SLC10A2: variants seen among roughly 807,000 people sequenced by gnomAD.
SLC10A2 encodes the protein solute carrier family 10 member 2.
Under a neutral mutation model 27.1 loss-of-function variants are expected in SLC10A2, and 34 were observed. The ratio of observed to expected loss-of-function variants is 1.26; its 90% CI spans 0.96 to 1.67. SLC10A2 has a LOEUF of 1.67. SLC10A2 is among the 40% of genes most tolerant of loss of function. SLC10A2 has a pLI of 0.00. For missense variants in SLC10A2, 530 were observed against 444.4 expected (o/e 1.19, Z -1.73); for synonymous variants, 205 against 174.0 (o/e 1.18, Z -1.40).
In SLC10A2 at chr13:103,051,452, G is replaced by T; in HGVS notation, c.586-20C>A. The T allele has an allele frequency of 6.2e-7, 1 of 1,613,208 alleles. No homozygotes were observed. The highest frequency in any genetic ancestry group is 8.5e-7 in the Non-Finnish European group (1 of 1,179,504). On this transcript the variant is annotated intron_variant, in intron 3 of 5. Transcript: ENST00000245312. ...CCCAATCTGAAAAAAAAAGGAATAA[G>T]TGAACCCAGCAATCATGAGTCAAAG...
At chr13:103,050,863 C>T (rs1034396746) in intron 4 of SLC10A2, among the ~76,000 whole-genome samples, 17 of 152,064 alleles carry the variant, frequency 1.1e-4, no homozygotes, top group South Asian at 4.1e-4. Context: ...CCTAACACTC[C>T]GCACCTCAGG....
At chr13:103,047,306 G>C (rs72657857) in intron 5 of SLC10A2, among the ~76,000 whole-genome samples, 4,385 of 152,088 alleles carry the variant, frequency 0.029, 95 homozygotes, top group Non-Finnish European at 0.044. Flanking sequence ...CTTTAGATTG[G>C]TCCCTGAACT....
In SLC10A2 at chr13:103,066,198, A is replaced by T. The variant is rs774380566; in HGVS notation, c.52T>A (p.Ser18Thr). Residue 18 changes from serine (S) to threonine (T), a missense_variant, in exon 1 of 6, where the codon TCC becomes ACC. By Grantham distance (58) the Ser-to-Thr change is moderately conservative. Coordinates refer to ENST00000245312, the MANE Select transcript of SLC10A2 (RefSeq NM_000452.3). ...AAATTGCTCTCAGGTACCACACAGGATGCACCAGAGCAAACTGTTGCATTG... is the reference window on the plus strand; with the variant it reads ...AAATTGCTCTCAGGTACCACACAGGTTGCACCAGAGCAAACTGTTGCATTG... ...VDNATVCSGA[S>T]CVVPESNFNN... is the part of the protein sequence containing the mutation. 1.2e-6 allele frequency: 2 copies of T among 1,614,126 alleles called. No homozygotes were observed. The highest frequency in any genetic ancestry group is 3.3e-5 in the Admixed American group (2 of 60,028).
At chr13:103,051,864 T>G (rs1875793029) in intron 3 of SLC10A2, among the ~76,000 whole-genome samples, 1 of 152,242 alleles carries the variant, frequency 6.6e-6, no homozygotes, top group African/African-American at 2.4e-5. Context: ...CCTTTATGAT[T>G]GTTACGATAA....
chr13:103,046,723 G>A (rs542652625), intron 5 of SLC10A2, among the ~76,000 whole-genome samples: 6 of 152,132 alleles, frequency 3.9e-5, no homozygotes, highest in East Asian at 1.9e-4. Context: ...TCTTTCCCCC[G>A]GAGAGAAGAG....
At position 103,044,670 on chromosome 13, in the gene SLC10A2, C is replaced by A. The variant is rs201617159; in HGVS notation, c.*1463G>T. 1.3e-5 allele frequency: 2 copies of A among 152,268 alleles called. No individual in the cohort carries two copies. Among genetic ancestry groups the A allele is most frequent in the Middle Eastern group, 3.4e-3 (1 of 294 alleles). The allele number at this position is 152,268 out of a possible 1,614,324, so 9.4% of individuals were successfully genotyped here. A position where few individuals can be genotyped will look rare whatever the true frequency, so the allele number is the denominator to read the frequency against. On this transcript the variant is annotated 3_prime_UTR_variant, in exon 6 of 6. Transcript: ENST00000245312. ...TAATGCTTGGGTGCACCAGCAGAATCTGAACTCAGAACATGCAAATGCAAA... is the reference window on the plus strand; with the variant it reads ...TAATGCTTGGGTGCACCAGCAGAATATGAACTCAGAACATGCAAATGCAAA...
rs200273975 is a variant in SLC10A2, at chr13:103,066,239, G to A, written c.11C>T (p.Pro4Leu). Reference sequence around the variant, plus strand: ...TGTTGCATTGTCCACACAGCTGTTCGGATCATTCATTGCTGGGTCTGCTGC... The same window carrying A: ...TGTTGCATTGTCCACACAGCTGTTCAGATCATTCATTGCTGGGTCTGCTGC... MND[P>L]NSCVDNATVC... The change falls in exon 1 of 6, where the codon CCG becomes CTG. Residue 4 changes from proline to leucine, a missense_variant. Transcript: ENST00000245312. 79 of 1,603,408 alleles carry A rather than the reference G, an allele frequency of 4.9e-5. 2 individuals are homozygous for A. In the East Asian group the frequency reaches 1.1e-3, roughly 21 times the overall value.
chr13:103,064,848 T>C (rs1052585330), intron 1 of SLC10A2, among the ~76,000 whole-genome samples: 1 of 152,222 alleles, frequency 6.6e-6, no homozygotes, highest in African/African-American at 2.4e-5. Context: ...CTAAAGCTTC[T>C]GGAGAAACCA....
chr13:103,065,194 G>T (rs1412410839), intron 1 of SLC10A2, among the ~76,000 whole-genome samples: 1 of 152,080 alleles, frequency 6.6e-6, no homozygotes, highest in African/African-American at 2.4e-5. Flanking sequence ...TGCTAGTTCA[G>T]ACTGGCACGG....
chr13:103,065,993 A>C lies in SLC10A2; in HGVS notation c.257T>G (p.Leu86Arg). The change falls in exon 1 of 6, where the codon CTG (leucine) becomes CGG (arginine). Residue 86 changes from leucine to arginine, a missense_variant. Transcript: ENST00000245312. ...CGGGAGGATGTCAAAGGCCACCGAC[A>C]GGATGAATCCTGTGAGGGGCATGAT... ...FGIMPLTGFI[L>R]SVAFDILPLQ... The C allele has an allele frequency of 6.2e-7, 1 of 1,614,228 alleles. No individual in the cohort carries two copies. Among genetic ancestry groups the C allele is most frequent in the Middle Eastern group, 1.6e-4 (1 of 6,062 alleles).
Position 103,051,269 on chromosome 13 carries a change from A to C in SLC10A2, c.749T>G (p.Leu250Arg), listed in dbSNP as rs762389136. The C allele has an allele frequency of 6.2e-7, 1 of 1,614,020 alleles. No individual in the cohort carries two copies. ...LGFLLARIAG[L>R]PWYRCRTVAF... ...CTAAATGCCATACCTGTACCAGGGT[A>C]GACCAGCAATTCTAGCCAGAAGAAA... The change falls in exon 4 of 6, where the codon CTA becomes CGA. Residue 250 changes from leucine (L) to arginine (R), a missense_variant. By Grantham distance (102) the Leu-to-Arg change is moderately radical. Coordinates refer to ENST00000245312, the MANE Select transcript of SLC10A2 (RefSeq NM_000452.3).
chr13:103,049,648 T>A (rs1430370475), intron 4 of SLC10A2, among the ~76,000 whole-genome samples: 1 of 152,054 alleles, frequency 6.6e-6, no homozygotes, highest in Non-Finnish European at 1.5e-5. Flanking sequence ...TCTCACCTAT[T>A]GTATATAATA....
Position 103,051,421 on chromosome 13 carries a change from G to A in SLC10A2, c.597C>T (p.Ile199=), listed in dbSNP as rs142506185. 215 of 1,613,822 alleles carry A rather than the reference G, an allele frequency of 1.3e-4. 1 individual carries two copies. The highest frequency in any genetic ancestry group is 1.1e-3 in the South Asian group (99 of 91,062). Reference sequence around the variant, plus strand: ...TGAGCACAATGAGGATGGCGCCCGCGATGGACCCAATCTGAAAAAAAAAGG... The same window carrying A: ...TGAGCACAATGAGGATGGCGCCCGCAATGGACCCAATCTGAAAAAAAAAGG... The part of the protein sequence containing the change: ...KAKIILKIGS[I]AGAILIVLIA... The change falls in exon 4 of 6, where the codon ATC becomes ATT. Residue 199 remains isoleucine (I), a synonymous_variant. Transcript: ENST00000245312.
Position 103,065,918 on chromosome 13 carries a change from G to A in SLC10A2, c.332C>T (p.Ala111Val), listed in dbSNP as rs150703535. The change falls in exon 1 of 6, where the codon GCC (alanine) becomes GTC (valine). Residue 111 changes from alanine (A) to valine (V), a missense_variant. Ala to Val is a moderately conservative substitution (Grantham distance 64). Transcript: ENST00000245312. ...GACCCAATAGGCCAAGATATTGGAG[G>A]CAGTTCCTCCAGGGCAGCATCCTAT... ...LIIGCCPGGT[A>V]SNILAYWVDG... The A allele has an allele frequency of 5.3e-5, 86 of 1,614,088 alleles. No homozygotes were observed. Among genetic ancestry groups the A allele is most frequent in the Non-Finnish European group, 6.9e-5 (81 of 1,180,036 alleles).
At chr13:103,054,753 C>G (rs1875892085) in intron 2 of SLC10A2, among the ~76,000 whole-genome samples, 1 of 152,092 alleles carries the variant, frequency 6.6e-6, no homozygotes, top group Non-Finnish European at 1.5e-5. Flanking sequence ...GGGAAAGGGA[C>G]TCTGTCTTTC....
chr13:103,058,189 G>T, intron 2 of SLC10A2, 75 bp downstream of exon 2: 3 of 892,528 alleles, frequency 3.4e-6, no homozygotes, highest in Middle Eastern at 4.3e-4. Flanking sequence ...GTGTGAGCCT[G>T]GTCTGAGAGC....
At position 103,044,106 on chromosome 13, in the gene SLC10A2, A is replaced by T. The variant is rs1257527982; in HGVS notation, c.*2027T>A. ...TTTAATCGACTTTTCAAATTCATTT[A>T]AAAATAGAGAGCTATCATTTTAGAA... is the stretch of plus-strand genomic sequence containing the variant. On this transcript the variant is annotated 3_prime_UTR_variant, in exon 6 of 6. Coordinates refer to ENST00000245312, the MANE Select transcript of SLC10A2 (RefSeq NM_000452.3). The T allele has an allele frequency of 6.6e-6, 1 of 152,208 alleles. No homozygotes were observed. Among genetic ancestry groups the T allele is most frequent in the African/African-American group, 2.4e-5 (1 of 41,464 alleles). The allele number at this position is 152,208 out of a possible 1,614,324, so 9.4% of individuals were successfully genotyped here. A position where few individuals can be genotyped will look rare whatever the true frequency, so the allele number is the denominator to read the frequency against.
chr13:103,056,180 G>T (rs1875931630), intron 2 of SLC10A2, among the ~76,000 whole-genome samples: 1 of 152,186 alleles, frequency 6.6e-6, no homozygotes, highest in African/African-American at 2.4e-5. Context: ...AAGTAAAATT[G>T]CCTTGCTGAG....
chr13:103,064,627 C>T lies in SLC10A2; in HGVS notation c.377+1246G>A, dbSNP rs1876218846. On this transcript the variant is annotated intron_variant, in intron 1 of 5. Coordinates refer to ENST00000245312, the MANE Select transcript of SLC10A2 (RefSeq NM_000452.3). ...CATTTAGAATTCTCACTTCTGTGTA[C>T]CTGTGTCCAGGTCAAACTAAATTGA... Among the ~76,000 whole-genome samples the T allele has an allele frequency of 3.9e-5, 6 of 152,086 alleles. No homozygotes were observed. The South Asian group carries it at 1.2e-3, about 32-fold the overall frequency.
Sources: allele counts gnomAD v4.1 joint callset (sites outside exome capture counted in the v4.1 genomes callset), GRCh38; gene constraint gnomAD v4.1.1; transcripts MANE v1.5; gene names NCBI Gene and HGNC (gene_info 2026-07-23, HGNC 2026-07-21).